The following IGF2BP3 variants were observed in gnomAD, a reference collection of about 807,000 sequenced individuals.
The protein encoded by IGF2BP3 is insulin-like growth factor 2 mRNA-binding protein 3.
IGF2BP3 carries 9 observed loss-of-function variants against 73.8 expected under a neutral mutation model. The observed-to-expected ratio is 0.12, with a 90% CI of 0.07 to 0.21. The LOEUF is 0.21. Among genes scored for constraint, IGF2BP3 ranks in the 10% least tolerant of loss-of-function variants. IGF2BP3 has a pLI of 1.00. For missense variants in IGF2BP3, 542 were observed against 714.0 expected (o/e 0.76, Z 2.75); for synonymous variants, 258 against 256.7 (o/e 1.01, Z -0.05).
chr7:23,413,651 ATCC>A (rs975103510), intron 3 of IGF2BP3: 4 of 151,996 alleles, frequency 2.6e-5, no homozygotes, highest in African/African-American at 9.7e-5. Flanking sequence ...GGGCTCTCAA[ATCC>A]TCCTTCTAAT....
chr7:23,375,698 C>T (rs6461708), intron 3 of IGF2BP3, among the ~76,000 whole-genome samples: 1 of 151,994 alleles, frequency 6.6e-6, no homozygotes, highest in South Asian at 2.1e-4. Flanking sequence ...TAAATGTCCA[C>T]GATTGTATGG....
chr7:23,398,483 G>A (rs948637935), intron 3 of IGF2BP3, among the ~76,000 whole-genome samples: 17 of 152,232 alleles, frequency 1.1e-4, no homozygotes, highest in Middle Eastern at 3.4e-3. Flanking sequence ...CTGAGGAATC[G>A]CCACACTGAC....
intron 2 of IGF2BP3, among the ~76,000 whole-genome samples, chr7:23,463,118 G>A (rs1028637732): frequency 3.3e-5 from 5 of 152,186 alleles, no homozygotes; most frequent in Admixed American, 6.6e-5. Context: ...TAACCATCTC[G>A]TCTTTCCGCC....
intron 5 of IGF2BP3, among the ~76,000 whole-genome samples, chr7:23,358,423 G>A (rs967614192): frequency 1.3e-5 from 2 of 152,208 alleles, no homozygotes; most frequent in Non-Finnish European, 2.9e-5. Context: ...GGTTTAGGCA[G>A]CAGGCTGTCA....
rs754815264 is a variant in IGF2BP3, at chr7:23,351,562, A to C, written c.426T>G (p.Phe142Leu). The C allele has an allele frequency of 6.2e-7, 1 of 1,614,136 alleles. No homozygotes were observed. The highest frequency in any genetic ancestry group is 2.2e-5 in the East Asian group (1 of 44,868). ...ARQALDKLNG[F>L]QLENFTLKVA... ...CTTTCAAGGTGAAATTCTCTAACTG[A>C]AATCCATTCAGTTTGTCTAGTGCTC... Residue 142 changes from phenylalanine to leucine, a missense_variant, in exon 6 of 15, where the codon TTT becomes TTG. By Grantham distance (22) the Phe-to-Leu change is conservative. Coordinates refer to ENST00000258729, the MANE Select transcript of IGF2BP3 (RefSeq NM_006547.3).
intron 13 of IGF2BP3, 22 bp from the exon 14 acceptor site, chr7:23,312,870 C>T (rs765093307): frequency 6.6e-7 from 1 of 1,512,224 alleles, no homozygotes; most frequent in Non-Finnish European, 9.1e-7. Context: ...AAATATAAAT[C>T]ACATTAAGTG....
intron 8 of IGF2BP3, among the ~76,000 whole-genome samples, chr7:23,345,530 C>T (rs1220194870): frequency 6.6e-6 from 1 of 152,220 alleles, no homozygotes; most frequent in Non-Finnish European, 1.5e-5. Context: ...GACCCCAAGC[C>T]AGAACCACCC....
chr7:23,350,786 C>G (rs1054319211), intron 6 of IGF2BP3, among the ~76,000 whole-genome samples: 1 of 152,210 alleles, frequency 6.6e-6, no homozygotes, highest in African/African-American at 2.4e-5. Flanking sequence ...TTAAATCCCA[C>G]CAATTAAAAC....
intron 13 of IGF2BP3, 129 bp from the exon 14 acceptor site, chr7:23,312,977 T>C (rs1217558069): frequency 1.6e-6 from 1 of 617,894 alleles, no homozygotes; most frequent in Non-Finnish European, 2.9e-6. Context: ...GGTAATTCCA[T>C]GAGGTTATTA....
chr7:23,343,996 G>C lies in IGF2BP3; in HGVS notation c.942-143C>G, dbSNP rs1784773890. ...GGTGGTAAAACATGATGGGAAATGA[G>C]TAAGCCCCAAAAGACGTAAATCCGA... On this transcript the variant is annotated intron_variant, in intron 8 of 14. Transcript: ENST00000258729. 5 of 734,472 alleles carry C rather than the reference G, an allele frequency of 6.8e-6. No individual in the cohort carries two copies. In the East Asian group the frequency reaches 1.1e-4, roughly 16 times the overall value. 45.5% of individuals were successfully genotyped at this position (734,472 alleles called of 1,614,324 possible).
chr7:23,347,764 C>G lies in IGF2BP3; in HGVS notation c.684-30G>C, dbSNP rs542293325. ...TAGTGGGCGCAAGCAGAGAGGAAAA[C>G]GAGAGCAGTAAGCGTGTATTCACAG... On this transcript the variant is annotated intron_variant, in intron 6 of 14. Coordinates refer to ENST00000258729, the MANE Select transcript of IGF2BP3 (RefSeq NM_006547.3). The G allele has an allele frequency of 6.2e-6, 10 of 1,613,598 alleles. No individual in the cohort carries two copies. In the East Asian group the frequency reaches 2.0e-4, roughly 32 times the overall value.
At chr7:23,348,581 A>T (rs910935686) in intron 6 of IGF2BP3, among the ~76,000 whole-genome samples, 3 of 152,054 alleles carry the variant, frequency 2.0e-5, no homozygotes, top group Admixed American at 2.0e-4. Flanking sequence ...GATGTTTCTT[A>T]CCCTTGGCAC....
In IGF2BP3 at chr7:23,361,616, G is replaced by C; in HGVS notation, c.338-19C>G. 3 of 1,613,260 alleles carry C rather than the reference G, an allele frequency of 1.9e-6. No homozygotes were observed. Among genetic ancestry groups the C allele is most frequent in the Non-Finnish European group, 2.5e-6 (3 of 1,179,424 alleles). Reference sequence around the variant, plus strand: ...GTGTTCACTAGAGGAAGAGAAAAACGAAGAGAATAAAAGTTAGTTTTCTTT... The same window carrying C: ...GTGTTCACTAGAGGAAGAGAAAAACCAAGAGAATAAAAGTTAGTTTTCTTT... On this transcript the variant is annotated intron_variant, in intron 4 of 14. Coordinates refer to ENST00000258729, the MANE Select transcript of IGF2BP3 (RefSeq NM_006547.3).
chr7:23,408,533 C>T (rs147632554), intron 3 of IGF2BP3, among the ~76,000 whole-genome samples: 12 of 152,070 alleles, frequency 7.9e-5, no homozygotes, highest in African/African-American at 1.7e-4. Flanking sequence ...GAAGTTAGAA[C>T]ACACTTGGGC....
At chr7:23,343,985 A>G in intron 8 of IGF2BP3, 132 bp from the exon 9 acceptor site, 1 of 793,900 alleles carries the variant, frequency 1.3e-6, no homozygotes, top group Non-Finnish European at 2.0e-6. Context: ...GTAAAACATG[A>G]TGGGAAATGA....
At chr7:23,411,440 G>T (rs886123486) in intron 3 of IGF2BP3, among the ~76,000 whole-genome samples, 3 of 152,086 alleles carry the variant, frequency 2.0e-5, no homozygotes, top group Non-Finnish European at 4.4e-5. Flanking sequence ...AAATTATCCG[G>T]GCGTGGTGGC....
intron 14 of IGF2BP3, 105 bp from the exon 15 acceptor site, chr7:23,312,565 A>C: frequency 1.0e-6 from 1 of 967,424 alleles, no homozygotes; most frequent in East Asian, 2.4e-5. Flanking sequence ...TTGATGATTA[A>C]AGATACATAC....
intron 6 of IGF2BP3, 111 bp from the exon 7 acceptor site, chr7:23,347,845 C>A: frequency 8.1e-7 from 1 of 1,228,202 alleles, no homozygotes. Context: ...AAGCAGATGA[C>A]TCACTTCCCT....
intron 3 of IGF2BP3, chr7:23,416,273 G>C (rs1333640258): frequency 6.6e-6 from 1 of 152,054 alleles, no homozygotes; most frequent in Non-Finnish European, 1.5e-5. Flanking sequence ...GCTTTTTTAG[G>C]TGCTCCAAGC....
Sources: gnomAD v4.1 joint callset for allele counts (sites outside exome capture counted in the v4.1 genomes callset) on GRCh38, gnomAD v4.1.1 for gene constraint, MANE v1.5 for transcripts, NCBI Gene and HGNC (gene_info 2026-07-23, HGNC 2026-07-21) for gene names.